IL1RAPL2: variants seen among roughly 807,000 people sequenced by gnomAD.
IL1RAPL2 encodes interleukin 1 receptor accessory protein like 2, also known as X-linked interleukin-1 receptor accessory protein-like 2.
In IL1RAPL2, 3 loss-of-function variants were observed where a neutral mutation model predicts 44.1. That is an observed-to-expected ratio of 0.07 (90% confidence interval 0.03 to 0.18). IL1RAPL2 has a LOEUF of 0.18. IL1RAPL2 is among the 10% of genes least tolerant of loss of function. IL1RAPL2 has a pLI of 1.00. For missense variants in IL1RAPL2, 391 were observed against 496.4 expected, an observed-to-expected ratio of 0.79 and a Z score of 2.02; for synonymous variants, 181 against 178.8, an observed-to-expected ratio of 1.01 and a Z score of -0.10.
intron 2 of IL1RAPL2, among the ~76,000 whole-genome samples, chrX:105,118,082 C>T (rs2032880728): frequency 8.9e-6 from 1 of 112,469 alleles, no homozygotes; most frequent in African/African-American, 3.2e-5. Flanking sequence ...CCATAAACCT[C>T]AACAAATATT....
chrX:105,019,984 G>A (rs1380043965), intron 2 of IL1RAPL2, among the ~76,000 whole-genome samples: 1 of 110,483 alleles, frequency 9.1e-6, no homozygotes, highest in Non-Finnish European at 1.9e-5. Context: ...TGTGGCCCTA[G>A]GAACTGATTG....
chrX:104,873,025 GACACACAC>G (rs907008038), intron 2 of IL1RAPL2, among the ~76,000 whole-genome samples: 1 of 111,446 alleles, frequency 9.0e-6, no homozygotes, highest in Admixed American at 9.5e-5. Flanking sequence ...TGTGTATATA[GACACACAC>G]ACATAGAAGT....
At chrX:104,854,085 C>G (rs1385882548) in intron 2 of IL1RAPL2, among the ~76,000 whole-genome samples, 1 of 111,216 alleles carries the variant, frequency 9.0e-6, no homozygotes, top group Admixed American at 9.6e-5. Flanking sequence ...CTGGGCAAAA[C>G]AAAGAAGTTG....
intron 5 of IL1RAPL2, among the ~76,000 whole-genome samples, chrX:105,422,292 C>CTGTCAGAA (rs1310969762): frequency 2.7e-5 from 3 of 111,621 alleles, no homozygotes; most frequent in African/African-American, 9.8e-5. Flanking sequence ...GCTCCTGGTC[C>CTGTCAGAA]TGTCAGAAAG....
At chrX:105,637,308 A>G (rs1161622591) in intron 6 of IL1RAPL2, among the ~76,000 whole-genome samples, 1 of 112,116 alleles carries the variant, frequency 8.9e-6, no homozygotes, top group Non-Finnish European at 1.9e-5. Flanking sequence ...ACCTCAGTGC[A>G]GAGACATTTA....
At chrX:104,629,623 T>G (rs12837402) in intron 1 of IL1RAPL2, among the ~76,000 whole-genome samples, 1 of 112,077 alleles carries the variant, frequency 8.9e-6, no homozygotes, top group Non-Finnish European at 1.9e-5. Flanking sequence ...TGTCTTGAAG[T>G]GTTTCCTCTG....
At chrX:105,195,421 T>G in intron 2 of IL1RAPL2, 54 bp from the exon 3 acceptor site, 1 of 1,126,949 alleles carries the variant, frequency 8.9e-7, no homozygotes, top group African/African-American at 1.8e-5. Context: ...CTGCTCACAC[T>G]ATTAGTGTCA....
intron 10 of IL1RAPL2, 57 bp downstream of exon 10, chrX:105,755,404 G>A (rs2038629951): frequency 2.2e-6 from 2 of 913,308 alleles, no homozygotes; most frequent in African/African-American, 3.9e-5. Context: ...GATGTTATGT[G>A]AAGGCTTCAA....
At chrX:105,590,323 A>G (rs1178441594) in intron 6 of IL1RAPL2, among the ~76,000 whole-genome samples, 3 of 111,018 alleles carry the variant, frequency 2.7e-5, no homozygotes, top group Non-Finnish European at 5.7e-5. Context: ...TTATCTGCAA[A>G]CAGAGATAGT....
intron 2 of IL1RAPL2, among the ~76,000 whole-genome samples, chrX:104,701,267 G>T (rs1475726359): frequency 1.8e-5 from 2 of 111,773 alleles, no homozygotes; most frequent in African/African-American, 6.5e-5. Flanking sequence ...ATGTTGCAAA[G>T]TAGGTACCAA....
At chrX:104,853,141 A>G (rs1922270669) in intron 2 of IL1RAPL2, among the ~76,000 whole-genome samples, 1 of 112,433 alleles carries the variant, frequency 8.9e-6, no homozygotes, top group Non-Finnish European at 1.9e-5. Context: ...AAGCTGCACA[A>G]TGCTAGGTAC....
At chrX:104,739,785 C>A (rs1932072218) in intron 2 of IL1RAPL2, among the ~76,000 whole-genome samples, 2 of 112,023 alleles carry the variant, frequency 1.8e-5, no homozygotes, top group African/African-American at 6.5e-5. Flanking sequence ...ATTTAATAAT[C>A]ATTTTATCAT....
chrX:105,108,070 C>T (rs1424356011), intron 2 of IL1RAPL2, among the ~76,000 whole-genome samples: 1 of 111,077 alleles, frequency 9.0e-6, no homozygotes, highest in East Asian at 2.8e-4. Context: ...ATTCTTACCA[C>T]TCTACCCTCC....
intron 2 of IL1RAPL2, among the ~76,000 whole-genome samples, chrX:105,154,353 T>A (rs2033252408): frequency 9.0e-6 from 1 of 111,426 alleles, no homozygotes. Context: ...TATCTACACT[T>A]TCAATCACTG....
intron 1 of IL1RAPL2, among the ~76,000 whole-genome samples, chrX:104,622,682 T>C (rs1162269124): frequency 9.0e-6 from 1 of 110,951 alleles, no homozygotes; most frequent in Non-Finnish European, 1.9e-5. Context: ...GGCTGTGATA[T>C]AGAGTGAGTC....
chrX:105,413,913 T>C (rs1354236574), intron 5 of IL1RAPL2, among the ~76,000 whole-genome samples: 8 of 112,253 alleles, frequency 7.1e-5, no homozygotes. Flanking sequence ...ATGATAAATG[T>C]AAAATAGCTC....
At chrX:105,670,514 T>C (rs1401710798) in intron 6 of IL1RAPL2, among the ~76,000 whole-genome samples, 1 of 105,957 alleles carries the variant, frequency 9.4e-6, no homozygotes, top group Admixed American at 1.0e-4. Context: ...TTAGCCAGGA[T>C]GGTCTCGATC....
intron 2 of IL1RAPL2, among the ~76,000 whole-genome samples, chrX:105,041,243 A>ACG (rs1322619036): frequency 5.4e-5 from 6 of 111,135 alleles, no homozygotes; most frequent in Non-Finnish European, 1.1e-4. Context: ...GGTCTGAGAG[A>ACG]TAGTTTGTTA....
At chrX:105,419,971 G>A (rs1215955289) in intron 5 of IL1RAPL2, among the ~76,000 whole-genome samples, 2 of 110,749 alleles carry the variant, frequency 1.8e-5, no homozygotes, top group Non-Finnish European at 3.8e-5. Flanking sequence ...TTACAAATGC[G>A]TATTTGTTAC....
Sources: allele counts gnomAD v4.1 joint callset (sites outside exome capture counted in the v4.1 genomes callset), GRCh38; gene constraint gnomAD v4.1.1; transcripts MANE v1.5; gene names NCBI Gene and HGNC (gene_info 2026-07-23, HGNC 2026-07-21).